CA5A: variants seen among roughly 807,000 people sequenced by gnomAD.
CA5A encodes the protein carbonic anhydrase 5A.
CA5A carries 28 observed loss-of-function variants against 37.1 expected under a neutral mutation model. That is an observed-to-expected ratio of 0.75 (90% confidence interval 0.56 to 1.03). The LOEUF (loss-of-function observed/expected upper bound fraction) is 1.03, where lower values mean the gene tolerates loss of function less well. CA5A is among the 50% of genes least tolerant of loss of function. CA5A has a pLI of 0.00. For synonymous variants in CA5A, 171 were observed against 158.4 expected (o/e 1.08, Z -0.60); for missense variants, 444 against 399.9 (o/e 1.11, Z -0.94).
At chr16:87,923,674 G>C (rs2056261210) in intron 2 of CA5A, 1 of 985,364 alleles carries the variant, frequency 1.0e-6, no homozygotes, top group Non-Finnish European at 1.2e-6. Context: ...CCTTTGCCTT[G>C]GGAATTTATT....
chr16:87,923,829 C>T, intron 2 of CA5A: 2 of 985,070 alleles, frequency 2.0e-6, no homozygotes, highest in Non-Finnish European at 2.4e-6. Context: ...CCCATAGCAA[C>T]TCATCTGTAT....
rs563111974 is a variant in CA5A, at chr16:87,920,161, A to G, written c.340+6587T>C. 2.4e-3 allele frequency among the ~76,000 whole-genome samples: 363 copies of G among 152,290 alleles called. 1 individual carries two copies. Among genetic ancestry groups the G allele is most frequent in the African/African-American group, 8.4e-3 (347 of 41,546 alleles). ...AGGTGGAGTTAAACAGGCCATAGCC[A>G]ACTCACCCCTCACCCGAGGTCTGCA... On this transcript the variant is annotated intron_variant, in intron 2 of 6. Transcript: ENST00000649794.
At chr16:87,923,771 A>G in intron 2 of CA5A, 1 of 985,206 alleles carries the variant, frequency 1.0e-6, no homozygotes, top group African/African-American at 1.7e-5. Flanking sequence ...TTAAAATATC[A>G]GTGAGACCCA....
chr16:87,917,743 A>ACAGTGCACACG (rs1567530509), intron 2 of CA5A, among the ~76,000 whole-genome samples: 2 of 97,718 alleles, frequency 2.0e-5, no homozygotes, highest in Non-Finnish European at 3.6e-5. Flanking sequence ...ATGAACACAC[A>ACAGTGCACACG]TGCACACATG....
At chr16:87,907,666 T>G (rs898494596) in intron 2 of CA5A, among the ~76,000 whole-genome samples, 3 of 152,202 alleles carry the variant, frequency 2.0e-5, no homozygotes, top group Non-Finnish European at 2.9e-5. Context: ...GGCTCACGCC[T>G]GTAATCCCAG....
rs35876037 is a variant in CA5A at position 87,896,653 on chromosome 16, T to C, written c.619-4699A>G. 3.9e-5 allele frequency among the ~76,000 whole-genome samples: 6 copies of C among 152,296 alleles called. 1 individual carries two copies. The highest frequency in any genetic ancestry group is 3.3e-4 in the Admixed American group (5 of 15,300). On this transcript the variant is annotated intron_variant, in intron 5 of 6. Transcript: ENST00000649794. ...CCACTTTTCTTTTATTTATTTATTG[T>C]TTTTGAGACAGAGTTTCACTCTTGT...
At chr16:87,923,098 T>C (rs543626131) in intron 2 of CA5A, among the ~76,000 whole-genome samples, 1 of 152,362 alleles carries the variant, frequency 6.6e-6, no homozygotes, top group African/African-American at 2.4e-5. Flanking sequence ...TCGCCCCTTC[T>C]CTGAGCCTTC....
At chr16:87,912,072 C>T (rs189528798) in intron 2 of CA5A, among the ~76,000 whole-genome samples, 27 of 152,250 alleles carry the variant, frequency 1.8e-4, no homozygotes, top group African/African-American at 6.0e-4. Context: ...GAGGCTGAGG[C>T]GGGCAGATCA....
chr16:87,926,026 C>A (rs530040252), intron 2 of CA5A, among the ~76,000 whole-genome samples: 4 of 152,190 alleles, frequency 2.6e-5, no homozygotes, highest in Non-Finnish European at 4.4e-5. Context: ...GGTTCGAGAG[C>A]AGCCTGGCCA....
At chr16:87,931,063 A>T (rs1423922510) in intron 1 of CA5A, among the ~76,000 whole-genome samples, 1 of 151,126 alleles carries the variant, frequency 6.6e-6, no homozygotes, top group East Asian at 2.0e-4. Context: ...GAAGATAGAA[A>T]TACAGATGTT....
At chr16:87,907,019 C>T (rs1449220231) in intron 2 of CA5A, among the ~76,000 whole-genome samples, 2 of 152,040 alleles carry the variant, frequency 1.3e-5, no homozygotes, top group African/African-American at 4.8e-5. Context: ...GTGTTTGAAA[C>T]CAGCCTGGCC....
At chr16:87,890,418 C>T (rs567403745) in intron 6 of CA5A, among the ~76,000 whole-genome samples, 1 of 152,198 alleles carries the variant, frequency 6.6e-6, no homozygotes, top group East Asian at 1.9e-4. Context: ...ACTGAAAGAC[C>T]CTCTAAGAGC....
intron 3 of CA5A, among the ~76,000 whole-genome samples, chr16:87,904,002 T>A (rs554073215): frequency 3.7e-4 from 56 of 152,288 alleles, no homozygotes; most frequent in Middle Eastern, 3.4e-3. Context: ...ATGCACTGAT[T>A]TTCTCTACTG....
intron 2 of CA5A, among the ~76,000 whole-genome samples, chr16:87,909,241 C>T (rs2056011872): frequency 6.6e-6 from 1 of 152,152 alleles, no homozygotes; most frequent in Admixed American, 6.6e-5. Context: ...CTGAGGGGAA[C>T]CATGGGGCCC....
chr16:87,929,802 G>A (rs937427699), intron 1 of CA5A, among the ~76,000 whole-genome samples: 3 of 145,874 alleles, frequency 2.1e-5, no homozygotes, highest in Non-Finnish European at 4.5e-5. Flanking sequence ...AGCCCGGGAG[G>A]CGGAGCTTGC....
chr16:87,905,930 C>A (rs1276333415), intron 2 of CA5A, among the ~76,000 whole-genome samples: 1 of 152,226 alleles, frequency 6.6e-6, no homozygotes, highest in East Asian at 1.9e-4. Flanking sequence ...GCTGAGGCCT[C>A]TGGCTCTGGC....
chr16:87,904,380 CAA>C (rs1329875180), intron 3 of CA5A, among the ~76,000 whole-genome samples: 2 of 151,574 alleles, frequency 1.3e-5, no homozygotes, highest in Non-Finnish European at 2.9e-5. Context: ...AACAAACAAA[CAA>C]ACAAAAGAAG....
At chr16:87,909,533 G>A (rs1236896236) in intron 2 of CA5A, among the ~76,000 whole-genome samples, 1 of 152,250 alleles carries the variant, frequency 6.6e-6, no homozygotes, top group Non-Finnish European at 1.5e-5. Context: ...CTGGGCTGGA[G>A]CGGCCCCTGG....
intron 3 of CA5A, among the ~76,000 whole-genome samples, chr16:87,903,302 G>C (rs577465260): frequency 3.3e-5 from 5 of 152,094 alleles, no homozygotes; most frequent in East Asian, 1.9e-4. Context: ...GCAGTGGCAG[G>C]TGCCTGTAAT....
Sources: gnomAD v4.1 joint callset for allele counts (sites outside exome capture counted in the v4.1 genomes callset) on GRCh38, gnomAD v4.1.1 for gene constraint, MANE v1.5 for transcripts, NCBI Gene and HGNC (gene_info 2026-07-23, HGNC 2026-07-21) for gene names.